ZNF385D: variants seen among roughly 807,000 people sequenced by gnomAD.
ZNF385D encodes zinc finger protein 659.
Under a neutral mutation model 35.8 loss-of-function variants are expected in ZNF385D, and 15 were observed. The ratio of observed to expected loss-of-function variants is 0.42; its 90% confidence interval spans 0.28 to 0.64. The LOEUF (loss-of-function observed/expected upper bound fraction) is 0.64. Ranked by LOEUF, ZNF385D falls within the 30% of genes least tolerant of loss-of-function variation. The pLI is 0.23. For synonymous variants in ZNF385D, 212 were observed against 186.8 expected (o/e 1.13, Z -1.10); for missense variants, 474 against 494.6 (o/e 0.96, Z 0.39).
chr3:21,544,455 G>T (rs2062301072), intron 3 of ZNF385D, among the ~76,000 whole-genome samples: 1 of 152,128 alleles, frequency 6.6e-6, no homozygotes, highest in Middle Eastern at 3.2e-3. Flanking sequence ...TTTAGTGAAA[G>T]GTTATAAGAA....
chr3:22,357,748 AACTTTAGCAAATC>A (rs1195854870), intron 2 of ZNF385D, among the ~76,000 whole-genome samples: 6 of 151,830 alleles, frequency 4.0e-5, no homozygotes, highest in Non-Finnish European at 8.8e-5. Context: ...AAGAAAAGGG[AACTTTAGCAAATC>A]ACACACCAAC....
chr3:22,202,430 T>TG (rs35748254), intron 2 of ZNF385D, among the ~76,000 whole-genome samples: 16 of 152,056 alleles, frequency 1.1e-4, no homozygotes, highest in African/African-American at 3.6e-4. Flanking sequence ...GAAGTGTGCC[T>TG]GGGGGAGGTG....
chr3:22,105,017 C>G (rs542463708), intron 3 of ZNF385D, among the ~76,000 whole-genome samples: 1 of 152,110 alleles, frequency 6.6e-6, no homozygotes, highest in African/African-American at 2.4e-5. Flanking sequence ...AAGATTAAAA[C>G]TGCTAACATG....
chr3:22,151,931 T>C (rs928085011), intron 3 of ZNF385D, among the ~76,000 whole-genome samples: 11 of 152,158 alleles, frequency 7.2e-5, no homozygotes, highest in Non-Finnish European at 1.3e-4. Flanking sequence ...GAGTTTCTTG[T>C]ACAGGTTATT....
chr3:22,091,967 T>G (rs1195613205), intron 3 of ZNF385D, among the ~76,000 whole-genome samples: 1 of 152,220 alleles, frequency 6.6e-6, no homozygotes, highest in Admixed American at 6.6e-5. Flanking sequence ...CTGTTGGGAC[T>G]GTGTCACCTC....
chr3:22,034,890 C>A (rs926116440), intron 3 of ZNF385D, among the ~76,000 whole-genome samples: 1 of 151,742 alleles, frequency 6.6e-6, no homozygotes, highest in Admixed American at 6.6e-5. Flanking sequence ...AAAAGTCAGC[C>A]CGGAGATATG....
At chr3:22,161,572 A>T (rs1329229598) in intron 3 of ZNF385D, among the ~76,000 whole-genome samples, 1 of 152,154 alleles carries the variant, frequency 6.6e-6, no homozygotes, top group African/African-American at 2.4e-5. Context: ...CAACACATTT[A>T]GTCAACTTCT....
intron 3 of ZNF385D, among the ~76,000 whole-genome samples, chr3:22,001,714 A>G (rs900709212): frequency 2.7e-5 from 4 of 149,564 alleles, no homozygotes; most frequent in African/African-American, 1.0e-4. Context: ...AGGATAAACC[A>G]TATGTTAGGC....
intron 1 of ZNF385D, among the ~76,000 whole-genome samples, chr3:21,736,048 G>A (rs977839881): frequency 6.6e-6 from 1 of 152,200 alleles, no homozygotes; most frequent in Non-Finnish European, 1.5e-5. Flanking sequence ...GAAAGTCTTG[G>A]ACTGAATCCT....
intron 1 of ZNF385D, among the ~76,000 whole-genome samples, chr3:21,692,666 G>A (rs1008004317): frequency 6.6e-6 from 1 of 152,174 alleles, no homozygotes; most frequent in African/African-American, 2.4e-5. Flanking sequence ...CAAGCACGCA[G>A]AACACCTATC....
At chr3:21,992,323 C>A (rs577099965) in intron 3 of ZNF385D, among the ~76,000 whole-genome samples, 80 of 152,160 alleles carry the variant, frequency 5.3e-4, no homozygotes, top group African/African-American at 1.8e-3. Flanking sequence ...GCAAAACATA[C>A]AAACACACTC....
At chr3:21,747,245 TTTAA>T (rs1391170109) in intron 1 of ZNF385D, among the ~76,000 whole-genome samples, 1 of 152,208 alleles carries the variant, frequency 6.6e-6, no homozygotes, top group Non-Finnish European at 1.5e-5. Context: ...TTTCTCTAGG[TTTAA>T]TTAATATGCC....
Position 22,126,585 on chromosome 3 carries a change from GT to G in ZNF385D, c.325+42231del, listed in dbSNP as rs886948736. On this transcript the variant is annotated intron_variant, in intron 3 of 5. Transcript: ENST00000494108. ...AATTTTTCTGAACGTTTTAAGACTT[GT>G]TTTGTGACCTAATGTATGCTCCATC... 3.9e-5 allele frequency among the ~76,000 whole-genome samples: 6 copies of G among 151,976 alleles called. 1 individual carries two copies. The highest frequency in any genetic ancestry group is 1.4e-4 in the African/African-American group (6 of 41,460).
intron 3 of ZNF385D, among the ~76,000 whole-genome samples, chr3:21,823,043 A>T (rs945521999): frequency 6.6e-6 from 1 of 152,108 alleles, no homozygotes; most frequent in African/African-American, 2.4e-5. Flanking sequence ...AAAATATCAT[A>T]ATTTTCTATT....
chr3:22,135,857 T>G (rs1182350079), intron 3 of ZNF385D, among the ~76,000 whole-genome samples: 2 of 151,942 alleles, frequency 1.3e-5, no homozygotes, highest in African/African-American at 2.4e-5. Flanking sequence ...CTTGTCAAAG[T>G]TGCAAAAACA....
intron 3 of ZNF385D, among the ~76,000 whole-genome samples, chr3:21,930,371 T>C (rs1700944299): frequency 6.6e-6 from 1 of 151,018 alleles, no homozygotes; most frequent in Non-Finnish European, 1.5e-5. Flanking sequence ...CTTATCATCT[T>C]AATTAGGCAA....
At chr3:22,341,662 TCAAA>T (rs1360341649) in intron 2 of ZNF385D, among the ~76,000 whole-genome samples, 9 of 152,240 alleles carry the variant, frequency 5.9e-5, no homozygotes, top group Admixed American at 3.9e-4. Flanking sequence ...AAAGTTAACA[TCAAA>T]CAGAGTTGAT....
At chr3:22,154,463 G>T (rs975071332) in intron 3 of ZNF385D, among the ~76,000 whole-genome samples, 2 of 152,162 alleles carry the variant, frequency 1.3e-5, no homozygotes, top group African/African-American at 4.8e-5. Flanking sequence ...AAGAAAATCT[G>T]AATTCCTCCT....
intron 3 of ZNF385D, among the ~76,000 whole-genome samples, chr3:22,125,858 AAAGAAGGATAAT>A (rs1439212602): frequency 1.3e-5 from 2 of 152,132 alleles, no homozygotes; most frequent in Admixed American, 6.6e-5. Flanking sequence ...TATCATCTGC[AAAGAAGGATAAT>A]TTGACTTCTT....
Sources: gnomAD v4.1 joint callset for allele counts (sites outside exome capture counted in the v4.1 genomes callset) on GRCh38, gnomAD v4.1.1 for gene constraint, MANE v1.5 for transcripts, NCBI Gene and HGNC (gene_info 2026-07-23, HGNC 2026-07-21) for gene names.